VLDLR: variants seen among roughly 807,000 people sequenced by gnomAD.
The protein encoded by VLDLR is very low density lipoprotein receptor.
VLDLR carries 81 observed loss-of-function variants against 112.7 expected under a neutral mutation model. That is an observed-to-expected ratio of 0.72 (90% CI 0.60 to 0.86). VLDLR has a LOEUF of 0.86. Ranked by LOEUF, VLDLR falls within the 40% of genes least tolerant of loss-of-function variation. The pLI is 0.00. For missense variants in VLDLR, 1,237 were observed against 1,099.4 expected (o/e 1.13, Z -1.77); for synonymous variants, 436 against 384.8 (o/e 1.13, Z -1.56).
chr9:2,642,753 TGTGA>T (rs1817882786), intron 4 of VLDLR, among the ~76,000 whole-genome samples: 1 of 152,216 alleles, frequency 6.6e-6, no homozygotes, highest in African/African-American at 2.4e-5. Context: ...TAATGCTTGT[TGTGA>T]GTATTACGTT....
Position 2,656,840 on chromosome 9 carries a change from A to C in VLDLR, c.*2972A>C, listed in dbSNP as rs1169470884. The C allele has an allele frequency of 2.0e-5, 3 of 151,318 alleles. No individual in the cohort carries two copies. Among genetic ancestry groups the C allele is most frequent in the Non-Finnish European group, 4.4e-5 (3 of 67,902 alleles). The allele number at this position is 151,318 out of a possible 1,614,324, so 9.4% of individuals were successfully genotyped here. A position where few individuals can be genotyped will look rare whatever the true frequency, so the allele number is the denominator to read the frequency against. The stretch of plus-strand genomic sequence containing the variant: ...CCCTTTGCAAGCTAATCTATTTGGC[A>C]AAAAAATAGTCCCAGTTGTTCAACT... On this transcript the variant is annotated 3_prime_UTR_variant, in exon 19 of 19. Transcript: ENST00000382100.
At chr9:2,624,932 A>C (rs1179638766) in intron 1 of VLDLR, among the ~76,000 whole-genome samples, 3 of 152,142 alleles carry the variant, frequency 2.0e-5, no homozygotes, top group Non-Finnish European at 4.4e-5. Context: ...ATTTACCTAT[A>C]GTGCCTGTCC....
At chr9:2,624,442 C>T (rs796988147) in intron 1 of VLDLR, among the ~76,000 whole-genome samples, 4 of 152,314 alleles carry the variant, frequency 2.6e-5, no homozygotes, top group African/African-American at 9.6e-5. Flanking sequence ...AACACTGAGA[C>T]TCTGGCAAGG....
At chr9:2,640,131 C>G in intron 3 of VLDLR, 150 bp downstream of exon 3, 2 of 1,265,372 alleles carry the variant, frequency 1.6e-6, no homozygotes, top group Non-Finnish European at 1.1e-6. Context: ...CAAATCATTA[C>G]CAGTTTATCA....
Position 2,646,787 on chromosome 9 carries a change from A to T in VLDLR, c.1703+235A>T, listed in dbSNP as rs116609817. 2.9e-3 allele frequency among the ~76,000 whole-genome samples: 437 copies of T among 152,334 alleles called. No homozygotes were observed. The highest frequency in any genetic ancestry group is 0.01 in the African/African-American group (418 of 41,578). ...TATGACTGATTGCTGGCTGACATTAATGAATTAACATTCCTGATTTGATGT... is the reference window on the plus strand; with the variant it reads ...TATGACTGATTGCTGGCTGACATTATTGAATTAACATTCCTGATTTGATGT... On this transcript the variant is annotated intron_variant, in intron 11 of 18. Coordinates refer to ENST00000382100, the MANE Select transcript of VLDLR (RefSeq NM_003383.5).
intron 17 of VLDLR, 40 bp from the exon 18 acceptor site, chr9:2,652,740 C>T (rs764620622): frequency 1.2e-6 from 2 of 1,613,270 alleles, no homozygotes; most frequent in Admixed American, 3.3e-5. Context: ...TGTTCCAATA[C>T]TAGACTTAGC....
rs1187013846 is a variant in VLDLR, at chr9:2,651,402, T to G, written c.2252-13T>G. ...CCCTGGCATTAACCAGGTTCTTGGT[T>G]TTTATAATTCAGGTACTGCAACTAC... On this transcript the variant is annotated splice_polypyrimidine_tract_variant and intron_variant, in intron 15 of 18. Coordinates refer to ENST00000382100, the MANE Select transcript of VLDLR (RefSeq NM_003383.5). The G allele has an allele frequency of 6.2e-7, 1 of 1,613,082 alleles. No individual in the cohort carries two copies. Among genetic ancestry groups the G allele is most frequent in the Non-Finnish European group, 8.5e-7 (1 of 1,179,282 alleles).
intron 1 of VLDLR, among the ~76,000 whole-genome samples, chr9:2,632,767 T>A (rs528139711): frequency 6.6e-6 from 1 of 151,722 alleles, no homozygotes; most frequent in African/African-American, 2.4e-5. Flanking sequence ...GTGTCTGAGC[T>A]CTCCCTCTCT....
In VLDLR at chr9:2,656,646, A is replaced by G. The variant is rs975199113; in HGVS notation, c.*2778A>G. On this transcript the variant is annotated 3_prime_UTR_variant, in exon 19 of 19. Transcript: ENST00000382100. ...TAAGAGGTAAAATATGAAGCTTATC[A>G]TACACTAAAGGAGAATATTTGGAGT... 6.6e-6 allele frequency: 1 copy of G among 152,164 alleles called. No individual in the cohort carries two copies. Among genetic ancestry groups the G allele is most frequent in the Non-Finnish European group, 1.5e-5 (1 of 68,038 alleles). The allele number at this position is 152,164 out of a possible 1,614,324, so 9.4% of individuals were successfully genotyped here.
In VLDLR at chr9:2,644,662, A is replaced by G. The variant is rs1817990679; in HGVS notation, c.1067-72A>G. 4 of 1,606,388 alleles carry G rather than the reference A, an allele frequency of 2.5e-6. No homozygotes were observed. The East Asian group carries it at 8.9e-5, about 36-fold the overall frequency. ...GCCAACTAGATAAGTTATCACAAAT[A>G]GCCTGGGTTTTAAATGTGAAAGATA... On this transcript the variant is annotated intron_variant, in intron 7 of 18. Transcript: ENST00000382100.
chr9:2,622,368 G>GGAGAACCGA, intron 1 of VLDLR, 97 bp downstream of exon 1: 1 of 1,133,558 alleles, frequency 8.8e-7, no homozygotes, highest in Non-Finnish European at 1.2e-6. Flanking sequence ...CCGCCTCCTA[G>GGAGAACCGA]GAGGCGCCTC....
At chr9:2,622,476 T>G in intron 1 of VLDLR, 1 of 469,486 alleles carries the variant, frequency 2.1e-6, no homozygotes, top group Non-Finnish European at 3.6e-6. Context: ...ACAGCGGGGT[T>G]CGGGGTGCCC....
intron 13 of VLDLR, 87 bp from the exon 14 acceptor site, chr9:2,648,582 A>G (rs1818171464): frequency 3.1e-6 from 5 of 1,600,778 alleles, no homozygotes; most frequent in Middle Eastern, 1.7e-4. Flanking sequence ...AACTTAGTCC[A>G]TTAAATGAGA....
At position 2,644,742 on chromosome 9, in the gene VLDLR, G is replaced by C; in HGVS notation, c.1075G>C (p.Glu359Gln). Residue 359 changes from glutamate (E) to glutamine (Q), a missense_variant, in exon 8 of 19, where the codon GAA becomes CAA. Transcript: ENST00000382100. Reference protein sequence around the residue: ...DEPLKECHINECLVNNGGCSH... With the variant: ...DEPLKECHINQCLVNNGGCSH... ...CTACATTTTTATTCCAGATATAAAC[G>C]AATGCTTGGTAAATAATGGTGGATG... 6.2e-7 allele frequency: 1 copy of C among 1,613,952 alleles called. No individual in the cohort carries two copies.
chr9:2,653,419 T>C (rs945172956), intron 18 of VLDLR, among the ~76,000 whole-genome samples: 1 of 152,222 alleles, frequency 6.6e-6, no homozygotes, highest in African/African-American at 2.4e-5. Flanking sequence ...CCAGCAATAG[T>C]CACTCACTTG....
chr9:2,629,978 G>A (rs1260140572), intron 1 of VLDLR, among the ~76,000 whole-genome samples: 2 of 152,160 alleles, frequency 1.3e-5, no homozygotes, highest in African/African-American at 4.8e-5. Flanking sequence ...ATTTTTAGCA[G>A]ACACTGGGTT....
rs1818642013 is a variant in VLDLR at position 2,657,199 on chromosome 9, T to TCTAA, written c.*3334_*3337dup. 1 of 152,182 alleles carries TCTAA rather than the reference T, an allele frequency of 6.6e-6. No individual in the cohort carries two copies. Among genetic ancestry groups the TCTAA allele is most frequent in the Admixed American group, 6.5e-5 (1 of 15,272 alleles). The allele number at this position is 152,182 out of a possible 1,614,324, so 9.4% of individuals were successfully genotyped here. The stretch of plus-strand genomic sequence containing the variant: ...GGGGTCACTTATCTCTATTACGTAA[T>TCTAA]CTAACTGGAATAATTTCCTAGAATT... On this transcript the variant is annotated 3_prime_UTR_variant, in exon 19 of 19. Coordinates refer to ENST00000382100, the MANE Select transcript of VLDLR (RefSeq NM_003383.5).
In VLDLR at chr9:2,655,313, C is replaced by A. The variant is rs1411452661; in HGVS notation, c.*1445C>A. On this transcript the variant is annotated 3_prime_UTR_variant, in exon 19 of 19. Coordinates refer to ENST00000382100, the MANE Select transcript of VLDLR (RefSeq NM_003383.5). ...TTGTACAGGGAGTTTAGTGAATTTT[C>A]CATCAGGTTGGCCATTACTTTCTTT... 2 of 152,076 alleles carry A rather than the reference C, an allele frequency of 1.3e-5. No homozygotes were observed. Among genetic ancestry groups the A allele is most frequent in the East Asian group, 3.8e-4 (2 of 5,202 alleles). The allele number at this position is 152,076 out of a possible 1,614,324, so 9.4% of individuals were successfully genotyped here.
chr9:2,652,162 AATG>A (rs1818379863), intron 17 of VLDLR, among the ~76,000 whole-genome samples: 1 of 152,200 alleles, frequency 6.6e-6, no homozygotes, highest in Admixed American at 6.5e-5. Flanking sequence ...AGTAACTGGC[AATG>A]ATAAGTGTTC....
Sources: allele counts gnomAD v4.1 joint callset (sites outside exome capture counted in the v4.1 genomes callset), GRCh38; gene constraint gnomAD v4.1.1; transcripts MANE v1.5; gene names NCBI Gene and HGNC (gene_info 2026-07-23, HGNC 2026-07-21).